The following BICDL1 variants were observed in gnomAD, a reference collection of about 807,000 sequenced individuals.
The protein encoded by BICDL1 is BICD family like cargo adaptor 1.
Under a neutral mutation model 76.8 loss-of-function variants are expected in BICDL1, and 20 were observed. The ratio of observed to expected loss-of-function variants is 0.26; its 90% CI spans 0.18 to 0.38. BICDL1 has a LOEUF of 0.38. Among genes scored for constraint, BICDL1 ranks in the 10% least tolerant of loss-of-function variants. The probability of loss-of-function intolerance (pLI) is 1.00; values close to 1 mark genes in which losing one functional copy is unlikely to be tolerated. For missense variants in BICDL1, 700 were observed against 798.6 expected, an observed-to-expected ratio of 0.88 and a Z score of 1.49; for synonymous variants, 383 against 337.1, an observed-to-expected ratio of 1.14 and a Z score of -1.49.
At chr12:119,998,074 A>G (rs1951687128) in intron 1 of BICDL1, among the ~76,000 whole-genome samples, 1 of 152,060 alleles carries the variant, frequency 6.6e-6, no homozygotes, top group African/African-American at 2.4e-5. Context: ...AGATCACACC[A>G]CTGCATTCCA....
At chr12:119,990,375 C>T (rs1951493586) in intron 1 of BICDL1, 78 bp downstream of exon 1, 2 of 1,515,578 alleles carry the variant, frequency 1.3e-6, no homozygotes, top group Non-Finnish European at 1.8e-6. Context: ...GTTAGGGAAC[C>T]ACTCACCCCC....
At chr12:120,047,971 A>G (rs1485226233) in intron 2 of BICDL1, among the ~76,000 whole-genome samples, 1 of 152,132 alleles carries the variant, frequency 6.6e-6, no homozygotes, top group African/African-American at 2.4e-5. Context: ...TCCAAAATGG[A>G]AGGTCTTTTA....
chr12:120,025,634 G>A (rs1472358132), intron 2 of BICDL1, among the ~76,000 whole-genome samples: 2 of 152,102 alleles, frequency 1.3e-5, no homozygotes, highest in African/African-American at 4.8e-5. Flanking sequence ...CTTCACTCCA[G>A]ACTGTATGCT....
At chr12:120,082,860 C>T (rs760731005) in intron 8 of BICDL1, among the ~76,000 whole-genome samples, 21 of 151,614 alleles carry the variant, frequency 1.4e-4, no homozygotes, top group Non-Finnish European at 1.9e-4. Context: ...TGAGCTACTG[C>T]GCCCAGCCGT....
At chr12:120,028,004 G>A (rs971656236) in intron 2 of BICDL1, among the ~76,000 whole-genome samples, 22 of 152,100 alleles carry the variant, frequency 1.4e-4, no homozygotes, top group African/African-American at 5.3e-4. Context: ...GGTAATGGTG[G>A]GTATTAATCT....
chr12:120,069,346 A>G (rs1022299435), intron 4 of BICDL1, among the ~76,000 whole-genome samples: 2 of 152,208 alleles, frequency 1.3e-5, no homozygotes, highest in Non-Finnish European at 2.9e-5. Context: ...AACTGTGGAC[A>G]TTTCTGCCCG....
chr12:120,059,896 A>G (rs1953067143), intron 2 of BICDL1, among the ~76,000 whole-genome samples: 1 of 151,644 alleles, frequency 6.6e-6, no homozygotes, highest in Non-Finnish European at 1.5e-5. Context: ...TATTTTTTCT[A>G]GAGACTGGGT....
At chr12:120,053,349 G>T (rs1594172023) in intron 2 of BICDL1, among the ~76,000 whole-genome samples, 1 of 152,210 alleles carries the variant, frequency 6.6e-6, no homozygotes, top group Admixed American at 6.5e-5. Flanking sequence ...CTTCCAAAGT[G>T]CTGGGATTAG....
chr12:120,054,104 G>A lies in BICDL1; in HGVS notation c.646-7606G>A, dbSNP rs145020900. ...TTTTTTTTTTTTGAGACAGAGTCTCGCTCTGTCGCCCAGGCTGGAGTGCAG... is the reference window on the plus strand; with the variant it reads ...TTTTTTTTTTTTGAGACAGAGTCTCACTCTGTCGCCCAGGCTGGAGTGCAG... On this transcript the variant is annotated intron_variant, in intron 2 of 9. Transcript: ENST00000548673. 9.4e-3 allele frequency among the ~76,000 whole-genome samples: 1,399 copies of A among 148,224 alleles called. 13 individuals carry two copies. The highest frequency in any genetic ancestry group is 0.025 in the African/African-American group (1,014 of 40,012).
At chr12:120,080,794 G>A in intron 7 of BICDL1, 93 bp from the exon 8 acceptor site, 1 of 1,444,970 alleles carries the variant, frequency 6.9e-7, no homozygotes, top group South Asian at 1.2e-5. Flanking sequence ...CATGTACCCT[G>A]GTCCTGCCTG....
At chr12:119,993,501 G>A (rs921670393) in intron 1 of BICDL1, 3 of 152,070 alleles carry the variant, frequency 2.0e-5, no homozygotes, top group Non-Finnish European at 4.4e-5. Flanking sequence ...GTCTCTTGGG[G>A]TTAAAATGAA....
intron 8 of BICDL1, among the ~76,000 whole-genome samples, chr12:120,086,338 A>AC (rs928208242): frequency 3.3e-5 from 5 of 151,952 alleles, no homozygotes; most frequent in African/African-American, 1.2e-4. Flanking sequence ...AGGAAACCAC[A>AC]CCCCCCATTT....
chr12:120,029,657 AATT>A (rs1040550696), intron 2 of BICDL1, among the ~76,000 whole-genome samples: 1 of 151,798 alleles, frequency 6.6e-6, no homozygotes. Flanking sequence ...TTGACCCCAG[AATT>A]ATTATTATTA....
chr12:120,033,086 A>C (rs1952457535), intron 2 of BICDL1, among the ~76,000 whole-genome samples: 1 of 151,962 alleles, frequency 6.6e-6, no homozygotes, highest in Non-Finnish European at 1.5e-5. Flanking sequence ...TGCTGCATGT[A>C]TTACTTTGTA....
chr12:119,994,257 A>G (rs978895316), intron 1 of BICDL1, among the ~76,000 whole-genome samples: 3 of 152,206 alleles, frequency 2.0e-5, no homozygotes, highest in African/African-American at 4.8e-5. Flanking sequence ...AAATGAATAC[A>G]TAATGGGAGT....
rs140881550 is a variant in BICDL1, at chr12:120,076,913, C to G, written c.1452+2327C>G. 2.2e-4 allele frequency among the ~76,000 whole-genome samples: 33 copies of G among 152,386 alleles called. No homozygotes were observed. The South Asian group carries it at 4.1e-3, about 19-fold the overall frequency. On this transcript the variant is annotated intron_variant, in intron 7 of 9. Coordinates refer to ENST00000548673, the MANE Select transcript of BICDL1 (RefSeq NM_001367886.1). ...ACTGACACCCACTGCGTGCCTGGTG[C>G]TGCACTAGGCCCTGAGAGGCACCAG...
At chr12:120,032,260 G>T (rs1324170937) in intron 2 of BICDL1, among the ~76,000 whole-genome samples, 1 of 152,184 alleles carries the variant, frequency 6.6e-6, no homozygotes, top group Non-Finnish European at 1.5e-5. Flanking sequence ...GATGAATTGG[G>T]TAGCTTTGGG....
intron 2 of BICDL1, among the ~76,000 whole-genome samples, chr12:120,006,907 G>T (rs1445704156): frequency 6.6e-6 from 1 of 151,824 alleles, no homozygotes; most frequent in African/African-American, 2.4e-5. Flanking sequence ...TAGGAGGATG[G>T]ATTATCGGGC....
intron 2 of BICDL1, among the ~76,000 whole-genome samples, chr12:119,999,564 A>G (rs1036532519): frequency 5.3e-5 from 8 of 152,336 alleles, no homozygotes; most frequent in Admixed American, 3.3e-4. Context: ...TTATTTCCAC[A>G]TTTAGTAAAC....
Sources: allele counts gnomAD v4.1 joint callset (sites outside exome capture counted in the v4.1 genomes callset), GRCh38; gene constraint gnomAD v4.1.1; transcripts MANE v1.5; gene names NCBI Gene and HGNC (gene_info 2026-07-23, HGNC 2026-07-21).